VIT: variants seen among roughly 807,000 people sequenced by gnomAD.
VIT encodes the protein vitrin.
In VIT, 99 loss-of-function variants were observed where a neutral mutation model predicts 78.0. The observed-to-expected ratio is 1.27, with a 90% CI of 1.08 to 1.50. The LOEUF (loss-of-function observed/expected upper bound fraction) is 1.50. Ranked by LOEUF, VIT falls within the 40% of genes most tolerant of loss-of-function variation. The probability of loss-of-function intolerance (pLI) is 0.00; values close to 1 mark genes in which losing one functional copy is unlikely to be tolerated. For missense variants in VIT, 1,126 were observed against 875.3 expected, an observed-to-expected ratio of 1.29 and a Z score of -3.61; for synonymous variants, 374 against 334.3, an observed-to-expected ratio of 1.12 and a Z score of -1.29.
chr2:36,813,173 G>A (rs1310638936), intron 15 of VIT, among the ~76,000 whole-genome samples: 1 of 151,050 alleles, frequency 6.6e-6, no homozygotes, highest in East Asian at 2.0e-4. Context: ...AATGAGGCCA[G>A]GCACGGTGGC....
At chr2:36,714,632 T>C (rs1347043279) in intron 1 of VIT, among the ~76,000 whole-genome samples, 2 of 152,178 alleles carry the variant, frequency 1.3e-5, no homozygotes, top group African/African-American at 4.8e-5. Flanking sequence ...ATAAGGATAA[T>C]AAAAAGCAGA....
chr2:36,739,398 C>T (rs966901162), intron 3 of VIT, among the ~76,000 whole-genome samples: 1 of 152,152 alleles, frequency 6.6e-6, no homozygotes, highest in Non-Finnish European at 1.5e-5. Flanking sequence ...TTAGCCTAGG[C>T]AGGAGACCCA....
rs778554502 is a variant in VIT at position 36,774,978 on chromosome 2, G to A, written c.737-24G>A. 23 of 1,612,902 alleles carry A rather than the reference G, an allele frequency of 1.4e-5. No homozygotes were observed. In the Middle Eastern group the frequency reaches 4.9e-4, roughly 35 times the overall value. ...CAGCCTGCTGGTTGTGTGTAAATCG[G>A]CTGACCCTGTGTAATCCCCTCAGGT... On this transcript the variant is annotated intron_variant, in intron 8 of 15. Transcript: ENST00000379242.
At chr2:36,762,450 G>A (rs886517106) in intron 6 of VIT, among the ~76,000 whole-genome samples, 1 of 152,104 alleles carries the variant, frequency 6.6e-6, no homozygotes, top group Non-Finnish European at 1.5e-5. Context: ...CTACGTGCAA[G>A]ACCCTGAGCT....
At chr2:36,720,658 A>G (rs1444808530) in intron 2 of VIT, among the ~76,000 whole-genome samples, 1 of 152,234 alleles carries the variant, frequency 6.6e-6, no homozygotes, top group East Asian at 1.9e-4. Context: ...CAGAACGTAG[A>G]ACAATGGTTT....
intron 4 of VIT, 119 bp downstream of exon 4, chr2:36,743,375 CT>C: frequency 1.8e-6 from 2 of 1,100,904 alleles, no homozygotes; most frequent in Non-Finnish European, 1.2e-6. Context: ...AGCTCAAAAT[CT>C]TTATTTAATC....
At chr2:36,708,005 GTGT>G (rs1369799032) in intron 1 of VIT, among the ~76,000 whole-genome samples, 1 of 152,068 alleles carries the variant, frequency 6.6e-6, no homozygotes, top group Non-Finnish European at 1.5e-5. Context: ...GTGGCTGCTG[GTGT>G]TGTGGCAACG....
At chr2:36,717,792 C>G (rs7582638) in intron 2 of VIT, among the ~76,000 whole-genome samples, 2,182 of 152,218 alleles carry the variant, frequency 0.014, 51 homozygotes, top group African/African-American at 0.05. Flanking sequence ...GCCAGGGCTG[C>G]TGTAACAAAA....
At chr2:36,719,300 G>C (rs567151744) in intron 2 of VIT, among the ~76,000 whole-genome samples, 110 of 152,276 alleles carry the variant, frequency 7.2e-4, no homozygotes, top group Admixed American at 6.3e-3. Flanking sequence ...GCCTACTCTT[G>C]CTACTTCTGT....
intron 7 of VIT, among the ~76,000 whole-genome samples, 161 bp from the exon 8 acceptor site, chr2:36,773,630 C>G (rs1357387049): frequency 6.6e-6 from 1 of 152,124 alleles, no homozygotes; most frequent in Non-Finnish European, 1.5e-5. Flanking sequence ...ACTCGGGAGG[C>G]TGAGGTGGGA....
chr2:36,752,304 C>G (rs1352118390), intron 4 of VIT, among the ~76,000 whole-genome samples: 3 of 152,198 alleles, frequency 2.0e-5, no homozygotes, highest in Admixed American at 6.5e-5. Flanking sequence ...GCAGGACACT[C>G]TTCACGCTGA....
intron 12 of VIT, among the ~76,000 whole-genome samples, chr2:36,798,071 C>T (rs1270804834): frequency 6.6e-6 from 1 of 151,914 alleles, no homozygotes; most frequent in East Asian, 1.9e-4. Context: ...ATGGAATATC[C>T]TAAAAAAGAG....
At chr2:36,731,075 C>G (rs371551458) in intron 3 of VIT, among the ~76,000 whole-genome samples, 5 of 151,998 alleles carry the variant, frequency 3.3e-5, no homozygotes, top group African/African-American at 1.2e-4. Flanking sequence ...TTGTAGCTTG[C>G]CTTTCAGGCT....
intron 1 of VIT, among the ~76,000 whole-genome samples, chr2:36,700,645 G>C (rs1313135065): frequency 6.6e-6 from 1 of 152,126 alleles, no homozygotes; most frequent in Non-Finnish European, 1.5e-5. Flanking sequence ...AAGAGGCTGA[G>C]GCAGGAAGAT....
intron 4 of VIT, among the ~76,000 whole-genome samples, chr2:36,747,064 T>G (rs1469158541): frequency 1.3e-5 from 2 of 152,198 alleles, no homozygotes; most frequent in Non-Finnish European, 2.9e-5. Flanking sequence ...TACCCAAAAG[T>G]CATTCAGGAG....
rs532723338 is a variant in VIT at position 36,733,152 on chromosome 2, A to G, written c.118+3661A>G. 3.3e-5 allele frequency among the ~76,000 whole-genome samples: 5 copies of G among 152,320 alleles called. 1 individual carries two copies. The highest frequency in any genetic ancestry group is 1.2e-4 in the African/African-American group (5 of 41,562). ...TTGCAATTAGCAGGACTCCAAGGCC[A>G]ATCTGCTTAAGCAAAAAGGGGGATT... On this transcript the variant is annotated intron_variant, in intron 3 of 15. Transcript: ENST00000379242.
At chr2:36,723,206 G>C (rs1666622478) in intron 2 of VIT, among the ~76,000 whole-genome samples, 1 of 152,006 alleles carries the variant, frequency 6.6e-6, no homozygotes, top group Non-Finnish European at 1.5e-5. Context: ...TAAATGCCTA[G>C]GATTTCCTAT....
rs115749162 is a variant in VIT at position 36,738,057 on chromosome 2, G to A, written c.119-5043G>A. Reference sequence around the variant, plus strand: ...AAAATTACGCTAGAAGAGTTACTTTGCAGGTATTTGGGGTAAATGCACAGA... The same window carrying A: ...AAAATTACGCTAGAAGAGTTACTTTACAGGTATTTGGGGTAAATGCACAGA... On this transcript the variant is annotated intron_variant, in intron 3 of 15. Coordinates refer to ENST00000379242, the MANE Select transcript of VIT (RefSeq NM_053276.4). Among the ~76,000 whole-genome samples the A allele has an allele frequency of 3.6e-3, 553 of 152,296 alleles. 1 individual carries two copies. Among genetic ancestry groups the A allele is most frequent in the African/African-American group, 0.013 (524 of 41,564 alleles).
chr2:36,718,386 G>C (rs1666295640), intron 2 of VIT, among the ~76,000 whole-genome samples: 1 of 152,048 alleles, frequency 6.6e-6, no homozygotes, highest in Admixed American at 6.6e-5. Context: ...GGAGGATATG[G>C]GTTCTAGTCC....
Sources: allele counts gnomAD v4.1 joint callset (sites outside exome capture counted in the v4.1 genomes callset), GRCh38; gene constraint gnomAD v4.1.1; transcripts MANE v1.5; gene names NCBI Gene and HGNC (gene_info 2026-07-23, HGNC 2026-07-21).